FBXW11: variants seen among roughly 807,000 people sequenced by gnomAD.
FBXW11 encodes the protein F-box and WD repeat domain containing 11, also known as F-box/WD repeat-containing protein 11.
In FBXW11, 19 loss-of-function variants were observed where a neutral mutation model predicts 77.6. That is an observed-to-expected ratio of 0.24 (90% CI 0.17 to 0.36). The LOEUF is 0.36. Among genes scored for constraint, FBXW11 ranks in the 10% least tolerant of loss-of-function variants. FBXW11 has a pLI of 1.00. For synonymous variants in FBXW11, 235 were observed against 249.4 expected (o/e 0.94, Z 0.54); for missense variants, 334 against 704.2 (o/e 0.47, Z 5.95).
chr5:171,917,870 A>C (rs999131223), intron 2 of FBXW11, among the ~76,000 whole-genome samples: 1 of 151,980 alleles, frequency 6.6e-6, no homozygotes, highest in African/African-American at 2.4e-5. Context: ...CACTCCATTA[A>C]GATACAAAAG....
intron 2 of FBXW11, among the ~76,000 whole-genome samples, chr5:171,937,600 C>A (rs1438219535): frequency 6.6e-6 from 1 of 151,836 alleles, no homozygotes; most frequent in East Asian, 1.9e-4. Flanking sequence ...TTTTGGGAGG[C>A]CAAAATCATT....
At chr5:171,925,434 A>AC (rs1160754109) in intron 2 of FBXW11, among the ~76,000 whole-genome samples, 3 of 152,220 alleles carry the variant, frequency 2.0e-5, no homozygotes, top group Non-Finnish European at 4.4e-5. Flanking sequence ...AAACAAACAA[A>AC]AAAAACAGTA....
chr5:171,932,086 G>A (rs554502650), intron 2 of FBXW11, among the ~76,000 whole-genome samples: 2 of 151,930 alleles, frequency 1.3e-5, no homozygotes, highest in Non-Finnish European at 2.9e-5. Context: ...TGTTGCCCAA[G>A]CTGGTCTCGA....
intron 1 of FBXW11, among the ~76,000 whole-genome samples, chr5:171,963,906 T>C (rs1764045872): frequency 6.6e-6 from 1 of 152,150 alleles, no homozygotes; most frequent in South Asian, 2.1e-4. Flanking sequence ...TTTATAGATA[T>C]TATATTACGG....
At chr5:171,919,677 A>C (rs1761462233) in intron 2 of FBXW11, among the ~76,000 whole-genome samples, 1 of 152,220 alleles carries the variant, frequency 6.6e-6, no homozygotes, top group Non-Finnish European at 1.5e-5. Flanking sequence ...TGTTTTACAC[A>C]TTGGGGGAAC....
At chr5:171,969,131 G>T (rs1764385710) in intron 1 of FBXW11, among the ~76,000 whole-genome samples, 1 of 152,156 alleles carries the variant, frequency 6.6e-6, no homozygotes, top group African/African-American at 2.4e-5. Context: ...AGCCAGGCGT[G>T]GTGGCACATG....
chr5:172,000,927 C>T (rs984291624), intron 1 of FBXW11, among the ~76,000 whole-genome samples: 2 of 152,188 alleles, frequency 1.3e-5, no homozygotes, highest in African/African-American at 4.8e-5. Context: ...AGCTTATCAA[C>T]TATTTGGCAA....
intron 7 of FBXW11, among the ~76,000 whole-genome samples, chr5:171,884,553 A>T (rs754734944): frequency 3.3e-5 from 5 of 151,986 alleles, no homozygotes; most frequent in Non-Finnish European, 5.9e-5. Context: ...TGAATTTTAG[A>T]ATTGTTTTAT....
At chr5:171,905,593 C>CA (rs1393337015) in intron 4 of FBXW11, among the ~76,000 whole-genome samples, 4 of 100,536 alleles carry the variant, frequency 4.0e-5, no homozygotes, top group Admixed American at 3.9e-4. Context: ...AAGCTAACCC[C>CA]CCCCCCTTTA....
chr5:171,967,541 A>G (rs1368772495), intron 1 of FBXW11, among the ~76,000 whole-genome samples: 2 of 152,190 alleles, frequency 1.3e-5, no homozygotes, highest in Non-Finnish European at 2.9e-5. Flanking sequence ...TCATTTAATA[A>G]ATATAATATA....
chr5:171,902,317 C>T (rs17074158), intron 4 of FBXW11, among the ~76,000 whole-genome samples: 3,273 of 152,308 alleles, frequency 0.021, 120 homozygotes, highest in African/African-American at 0.074. Context: ...CAATTTTTCA[C>T]TTACATGTTG....
chr5:171,940,843 C>T (rs1161003404), intron 2 of FBXW11, among the ~76,000 whole-genome samples: 1 of 150,894 alleles, frequency 6.6e-6, no homozygotes, highest in Non-Finnish European at 1.5e-5. Context: ...GCCGAGATTG[C>T]ACCACTGCAC....
intron 2 of FBXW11, among the ~76,000 whole-genome samples, chr5:171,940,416 T>G (rs186825290): frequency 6.6e-6 from 1 of 152,284 alleles, no homozygotes; most frequent in East Asian, 1.9e-4. Flanking sequence ...GCAATGACAT[T>G]CCAGTAGCAC....
At chr5:171,919,083 G>A (rs1054651795) in intron 2 of FBXW11, among the ~76,000 whole-genome samples, 2 of 152,040 alleles carry the variant, frequency 1.3e-5, no homozygotes, top group African/African-American at 4.8e-5. Flanking sequence ...GGTAATTCAC[G>A]AAGTATGTTG....
At chr5:172,004,418 T>C (rs1332578376) in intron 1 of FBXW11, among the ~76,000 whole-genome samples, 1 of 152,252 alleles carries the variant, frequency 6.6e-6, no homozygotes, top group Non-Finnish European at 1.5e-5. Context: ...GAAATCTCTT[T>C]TCTGATCAAA....
chr5:171,873,834 G>A (rs1333290845), intron 9 of FBXW11, among the ~76,000 whole-genome samples: 1 of 152,168 alleles, frequency 6.6e-6, no homozygotes, highest in East Asian at 1.9e-4. Flanking sequence ...GAGACACACA[G>A]CAACCAGAGT....
intron 2 of FBXW11, among the ~76,000 whole-genome samples, chr5:171,955,261 T>C (rs1224377263): frequency 3.3e-5 from 5 of 152,146 alleles, no homozygotes; most frequent in African/African-American, 9.7e-5. Flanking sequence ...TGGGCTCAAG[T>C]TGCAATTATC....
chr5:171,930,739 A>AAT (rs1491045523), intron 2 of FBXW11, among the ~76,000 whole-genome samples: 4 of 109,894 alleles, frequency 3.6e-5, no homozygotes, highest in African/African-American at 1.4e-4. Flanking sequence ...TAAATAAAAA[A>AAT]TAAAAAATAA....
At chr5:171,917,837 T>C (rs190056065) in intron 2 of FBXW11, among the ~76,000 whole-genome samples, 5 of 152,080 alleles carry the variant, frequency 3.3e-5, no homozygotes, top group African/African-American at 1.2e-4. Flanking sequence ...ATTTTATATA[T>C]ATGTCTCTCA....
Sources: gnomAD v4.1 joint callset for allele counts (sites outside exome capture counted in the v4.1 genomes callset) on GRCh38, gnomAD v4.1.1 for gene constraint, MANE v1.5 for transcripts, NCBI Gene and HGNC (gene_info 2026-07-23, HGNC 2026-07-21) for gene names.